Variants in ADCY10 observed in about 807,000 individuals in gnomAD.
The protein encoded by ADCY10 is adenylate cyclase 10.
ADCY10 carries 156 observed loss-of-function variants against 183.3 expected under a neutral mutation model. That is an observed-to-expected ratio of 0.85 (90% CI 0.75 to 0.97). The LOEUF (loss-of-function observed/expected upper bound fraction) is 0.97. Ranked by LOEUF, ADCY10 falls within the 50% of genes least tolerant of loss-of-function variation. The pLI is 0.00. For synonymous variants in ADCY10, 645 were observed against 670.0 expected, an observed-to-expected ratio of 0.96 and a Z score of 0.58; for missense variants, 1,745 against 1,934.3, an observed-to-expected ratio of 0.90 and a Z score of 1.84.
At chr1:167,872,125 T>C (rs1667148144) in intron 13 of ADCY10, among the ~76,000 whole-genome samples, 1 of 152,094 alleles carries the variant, frequency 6.6e-6, no homozygotes, top group Admixed American at 6.5e-5. Flanking sequence ...GTGGATCCCC[T>C]GAGGTCAGGA....
intron 1 of ADCY10, among the ~76,000 whole-genome samples, chr1:167,906,160 A>G (rs915286842): frequency 1.6e-4 from 25 of 152,186 alleles, no homozygotes; most frequent in African/African-American, 6.0e-4. Flanking sequence ...TTTAAGGGGA[A>G]GTATTTAAAA....
chr1:167,903,825 C>T, intron 3 of ADCY10, 62 bp downstream of exon 3: 1 of 1,236,198 alleles, frequency 8.1e-7, no homozygotes, highest in Non-Finnish European at 1.2e-6. Context: ...TTATAATTGA[C>T]AACTACGGAA....
chr1:167,846,309 A>C (rs1558179975), intron 19 of ADCY10, 46 bp from the exon 20 acceptor site: 1 of 1,607,304 alleles, frequency 6.2e-7, no homozygotes, highest in Non-Finnish European at 8.5e-7. Flanking sequence ...ATTTATCTTT[A>C]TCTAATATGC....
rs765465330 is a variant in ADCY10 at position 167,834,065 on chromosome 1, A to G, written c.3322T>C (p.Leu1108=). ...TTTAGCAACTTCTGTCCTTCATTCA[A>G]ATACATGTATGCCTGTAACCAGCCC... is the stretch of plus-strand genomic sequence containing the variant. ...FCDNYMAYMY[L]NEGQKLLKTL... The change falls in exon 24 of 33, where the codon TTG becomes CTG. Residue 1108 remains leucine, a synonymous_variant. Coordinates refer to ENST00000367851, the MANE Select transcript of ADCY10 (RefSeq NM_018417.6). 11 of 1,613,688 alleles carry G rather than the reference A, an allele frequency of 6.8e-6. 1 individual carries two copies. In the South Asian group the frequency reaches 1.2e-4, roughly 18 times the overall value.
chr1:167,812,648 GA>G (rs1032377754), intron 31 of ADCY10, among the ~76,000 whole-genome samples: 10 of 152,094 alleles, frequency 6.6e-5, no homozygotes, highest in African/African-American at 1.7e-4. Flanking sequence ...TCCCAAGGGG[GA>G]AAAAATATCA....
intron 25 of ADCY10, among the ~76,000 whole-genome samples, chr1:167,832,438 A>C (rs1330070142): frequency 6.6e-6 from 1 of 151,672 alleles, no homozygotes; most frequent in Non-Finnish European, 1.5e-5. Context: ...TTATAGGTAG[A>C]ATTTATATAT....
At chr1:167,862,238 G>A (rs375412812) in intron 14 of ADCY10, among the ~76,000 whole-genome samples, 3 of 152,336 alleles carry the variant, frequency 2.0e-5, no homozygotes, top group African/African-American at 7.2e-5. Context: ...GGGCCTCAAA[G>A]TGTGACCTTA....
intron 1 of ADCY10, among the ~76,000 whole-genome samples, chr1:167,908,351 A>T (rs1669946219): frequency 6.6e-6 from 1 of 152,200 alleles, no homozygotes; most frequent in African/African-American, 2.4e-5. Flanking sequence ...GAATCTAAAA[A>T]AGTCAAAATC....
intron 21 of ADCY10, among the ~76,000 whole-genome samples, chr1:167,844,084 T>C (rs1664836647): frequency 6.6e-6 from 1 of 152,248 alleles, no homozygotes; most frequent in Admixed American, 6.5e-5. Flanking sequence ...AACATAATAT[T>C]ACACACATAC....
intron 5 of ADCY10, among the ~76,000 whole-genome samples, chr1:167,900,411 G>A (rs1176004805): frequency 3.3e-5 from 5 of 152,192 alleles, no homozygotes; most frequent in African/African-American, 4.8e-5. Flanking sequence ...GCATGCAAGA[G>A]GGGGCTGGGT....
intron 23 of ADCY10, among the ~76,000 whole-genome samples, chr1:167,835,081 G>T (rs774507385): frequency 5.3e-5 from 8 of 152,170 alleles, no homozygotes; most frequent in African/African-American, 7.2e-5. Flanking sequence ...TGATTAGGCT[G>T]CTGTGACCAG....
Position 167,875,184 on chromosome 1 carries a change from A to G in ADCY10, c.1409T>C (p.Met470Thr), listed in dbSNP as rs1388222358. The G allele has an allele frequency of 6.2e-7, 1 of 1,614,136 alleles. No individual in the cohort carries two copies. Among genetic ancestry groups the G allele is most frequent in the African/African-American group, 1.3e-5 (1 of 75,068 alleles). The change falls in exon 13 of 33, where the codon ATG becomes ACG. Residue 470 changes from methionine to threonine, a missense_variant and splice_region_variant. By Grantham distance (81) the Met-to-Thr change is moderately conservative. Transcript: ENST00000367851. ...YQYWGRTEKV[M>T]FGMACLICNR... ...GCAGATGAGGCACGCCATACCAAAC[A>G]TGCTGAAGAGAAGAACAAAAGAACA... is the stretch of plus-strand genomic sequence containing the variant.
At chr1:167,858,497 CAAAAAAAAAAAAA>C (rs57443879) in intron 16 of ADCY10, among the ~76,000 whole-genome samples, 1 of 70,322 alleles carries the variant, frequency 1.4e-5, no homozygotes, top group Non-Finnish European at 2.6e-5. Context: ...GACTCTGTCT[CAAAAAAAAAAAAA>C]AAAAAAAAAA....
chr1:167,879,226 A>G (rs1667704758), intron 11 of ADCY10, among the ~76,000 whole-genome samples: 1 of 152,202 alleles, frequency 6.6e-6, no homozygotes, highest in Non-Finnish European at 1.5e-5. Flanking sequence ...TCATGCCTCC[A>G]TTCTCTAACC....
Position 167,878,594 on chromosome 1 carries a change from A to ACAT in ADCY10, c.1255_1257dup (p.Met419dup), listed in dbSNP as rs1558223865. 1.2e-6 allele frequency: 2 copies of ACAT among 1,614,198 alleles called. No homozygotes were observed. Among genetic ancestry groups the ACAT allele is most frequent in the East Asian group, 2.2e-5 (1 of 44,878 alleles). ...TCGCAGGTCACAATTCCTGGGTAGT[A>ACAT]CATCATCATCCTGGCAGCTAAGTTG... On this transcript the variant is annotated inframe_insertion, in exon 12 of 33. Coordinates refer to ENST00000367851, the MANE Select transcript of ADCY10 (RefSeq NM_018417.6).
At chr1:167,879,861 C>T (rs1192955071) in intron 11 of ADCY10, among the ~76,000 whole-genome samples, 1 of 152,124 alleles carries the variant, frequency 6.6e-6, no homozygotes, top group Non-Finnish European at 1.5e-5. Context: ...ATTACAGGAG[C>T]CCCTCATTCC....
chr1:167,854,616 A>T, intron 17 of ADCY10, 127 bp from the exon 18 acceptor site: 1 of 1,217,570 alleles, frequency 8.2e-7, no homozygotes, highest in Non-Finnish European at 1.2e-6. Context: ...GTTTGTTTTC[A>T]GTTTTGAGGC....
chr1:167,878,067 C>G (rs1317276286), intron 12 of ADCY10, among the ~76,000 whole-genome samples: 1 of 152,156 alleles, frequency 6.6e-6, no homozygotes, highest in Non-Finnish European at 1.5e-5. Context: ...GAAATAATAT[C>G]TTATACTCTT....
chr1:167,907,866 A>G (rs981432586), intron 1 of ADCY10, among the ~76,000 whole-genome samples: 11 of 152,256 alleles, frequency 7.2e-5, no homozygotes, highest in Non-Finnish European at 1.5e-4. Context: ...AGAAAATATA[A>G]TTGGCTGGTT....
Sources: allele counts gnomAD v4.1 joint callset (sites outside exome capture counted in the v4.1 genomes callset), GRCh38; gene constraint gnomAD v4.1.1; transcripts MANE v1.5; gene names NCBI Gene and HGNC (gene_info 2026-07-23, HGNC 2026-07-21).